The following PLPP3 variants were observed in gnomAD, a reference collection of about 807,000 sequenced individuals.
PLPP3 encodes the protein phospholipid phosphatase 3.
PLPP3 carries 6 observed loss-of-function variants against 29.6 expected under a neutral mutation model. That is an observed-to-expected ratio of 0.20 (90% CI 0.11 to 0.40). PLPP3 has a LOEUF of 0.40. PLPP3 is among the 10% of genes least tolerant of loss of function. The probability of loss-of-function intolerance (pLI) is 1.00; values close to 1 mark genes in which losing one functional copy is unlikely to be tolerated. For synonymous variants in PLPP3, 152 were observed against 159.7 expected (o/e 0.95, Z 0.36); for missense variants, 308 against 407.7 (o/e 0.76, Z 2.11).
intron 1 of PLPP3, among the ~76,000 whole-genome samples, chr1:56,555,467 A>C (rs1646070591): frequency 1.4e-5 from 2 of 144,298 alleles, no homozygotes; most frequent in South Asian, 2.2e-4. Flanking sequence ...AAAACAAAAA[A>C]CAAACAAACA....
chr1:56,566,896 A>G (rs553885317), intron 1 of PLPP3, among the ~76,000 whole-genome samples: 2 of 152,338 alleles, frequency 1.3e-5, no homozygotes, highest in South Asian at 4.1e-4. Context: ...TTTAGTTCCT[A>G]AGATGACAAC....
chr1:56,527,802 T>G (rs895763077), intron 2 of PLPP3, among the ~76,000 whole-genome samples: 2 of 152,174 alleles, frequency 1.3e-5, no homozygotes. Context: ...ATTTGGGTTG[T>G]GAAAGGCAGC....
In PLPP3 at chr1:56,556,986, GAAAGAAAGAAAGAAAGAAAGAA is replaced by G. The variant is rs1557513401; in HGVS notation, c.140-19896_140-19875del. On this transcript the variant is annotated intron_variant, in intron 1 of 5. Transcript: ENST00000371250. ...AGAAAGAAAGAAAGAAAGAAAGAAA[GAAAGAAAGAAAGAAAGAAAGAA>G]AGAGAGAGAGAGAGAGAAAGAGAGA... Among the ~76,000 whole-genome samples the G allele has an allele frequency of 9.0e-3, 59 of 6,568 alleles. 4 individuals carry two copies. Among genetic ancestry groups the G allele is most frequent in the East Asian group, 0.029 (11 of 384 alleles). 4.3% of individuals were successfully genotyped at this position (6,568 alleles called of 152,430 possible). A position where few individuals can be genotyped will look rare whatever the true frequency, so the allele number is the denominator to read the frequency against.
In PLPP3 at chr1:56,578,906, G is replaced by A; in HGVS notation, c.111C>T (p.Ile37=). Reference sequence around the variant, plus strand: ...TGAAGAGGCAGAAGAGGTCGAGGCAGATGAGCAGCACCCGCTTGCTGCCGC... The same window carrying A: ...TGAAGAGGCAGAAGAGGTCGAGGCAAATGAGCAGCACCCGCTTGCTGCCGC... The part of the protein sequence containing the change: ...RRSGSKRVLL[I]CLDLFCLFMA... The change falls in exon 1 of 6, where the codon ATC becomes ATT. Residue 37 remains isoleucine, a synonymous_variant. Transcript: ENST00000371250. The A allele has an allele frequency of 6.2e-7, 1 of 1,601,176 alleles. No individual in the cohort carries two copies. The highest frequency in any genetic ancestry group is 1.1e-5 in the South Asian group (1 of 90,080).
At chr1:56,558,821 C>T (rs184431479) in intron 1 of PLPP3, among the ~76,000 whole-genome samples, 14 of 152,282 alleles carry the variant, frequency 9.2e-5, no homozygotes, top group African/African-American at 3.4e-4. Context: ...AACTTTGATT[C>T]TGGGTTAAAA....
intron 5 of PLPP3, among the ~76,000 whole-genome samples, chr1:56,498,332 T>C (rs554341811): frequency 4.9e-4 from 74 of 152,304 alleles, no homozygotes; most frequent in Middle Eastern, 3.4e-3. Context: ...AGAAAATTCT[T>C]TGTAGTTGGT....
At chr1:56,574,351 G>C (rs547493370) in intron 1 of PLPP3, among the ~76,000 whole-genome samples, 205 of 152,238 alleles carry the variant, frequency 1.3e-3, no homozygotes, top group African/African-American at 4.6e-3. Flanking sequence ...CTAGTCTCAA[G>C]GTATCCTCCT....
chr1:56,561,133 C>T (rs887659474), intron 1 of PLPP3, among the ~76,000 whole-genome samples: 1 of 151,932 alleles, frequency 6.6e-6, no homozygotes, highest in African/African-American at 2.4e-5. Context: ...AGGCGTGAGC[C>T]ACTGCACCCG....
intron 5 of PLPP3, 39 bp downstream of exon 5, chr1:56,511,937 A>T (rs1169943500): frequency 6.2e-7 from 1 of 1,608,412 alleles, no homozygotes; most frequent in African/African-American, 1.3e-5. Context: ...GCAACAGTCC[A>T]GGGCTCCACT....
At chr1:56,515,084 C>G (rs1475234868) in intron 4 of PLPP3, among the ~76,000 whole-genome samples, 5 of 152,120 alleles carry the variant, frequency 3.3e-5, no homozygotes, top group Non-Finnish European at 5.9e-5. Context: ...GGGTGCATAA[C>G]AGACAGAGCA....
chr1:56,511,413 A>G (rs1412297891), intron 5 of PLPP3, among the ~76,000 whole-genome samples: 1 of 152,160 alleles, frequency 6.6e-6, no homozygotes, highest in Non-Finnish European at 1.5e-5. Context: ...CTCAGCCTTC[A>G]GATAACCTCC....
At chr1:56,574,367 A>G (rs1646220968) in intron 1 of PLPP3, among the ~76,000 whole-genome samples, 1 of 151,886 alleles carries the variant, frequency 6.6e-6, no homozygotes, top group Non-Finnish European at 1.5e-5. Context: ...CTCCTGCCTC[A>G]GCCTCCCAAG....
chr1:56,553,453 G>A (rs1569588679), intron 1 of PLPP3, among the ~76,000 whole-genome samples: 1 of 152,146 alleles, frequency 6.6e-6, no homozygotes, highest in Non-Finnish European at 1.5e-5. Context: ...TCTGCACTTG[G>A]AGACACATCC....
intron 1 of PLPP3, among the ~76,000 whole-genome samples, chr1:56,557,026 A>AAAGAGAGAG (rs1553139342): frequency 1.1e-4 from 1 of 9,522 alleles, no homozygotes; most frequent in African/African-American, 2.5e-4. Context: ...GAGAGAGAGA[A>AAAGAGAGAG]AGAGAGAGAG....
chr1:56,550,565 C>T (rs192990179), intron 1 of PLPP3, among the ~76,000 whole-genome samples: 157 of 152,162 alleles, frequency 1.0e-3, no homozygotes, highest in South Asian at 3.7e-3. Context: ...CCTCTCAAAA[C>T]GTGTGAATCA....
At chr1:56,547,656 GA>G (rs981032463) in intron 1 of PLPP3, among the ~76,000 whole-genome samples, 6 of 152,160 alleles carry the variant, frequency 3.9e-5, no homozygotes, top group African/African-American at 1.4e-4. Flanking sequence ...GCAAGCTGAG[GA>G]GACTGCTGCT....
At chr1:56,539,641 C>T (rs1306866050) in intron 1 of PLPP3, among the ~76,000 whole-genome samples, 1 of 152,132 alleles carries the variant, frequency 6.6e-6, no homozygotes, top group African/African-American at 2.4e-5. Context: ...GGTTTTAAAA[C>T]TTTGTCTCTG....
rs183148161 is a variant in PLPP3 at position 56,524,042 on chromosome 1, C to A, written c.576-162G>T. Among the ~76,000 whole-genome samples, 82 of 152,336 alleles carry A rather than the reference C, an allele frequency of 5.4e-4. 1 individual carries two copies. The highest frequency in any genetic ancestry group is 6.8e-3 in the Middle Eastern group (2 of 294). ...CTTTGGACCCATGCCTGGAACATAGCAGGCACCTATGAATTCATGAATAAA... is the reference window on the plus strand; with the variant it reads ...CTTTGGACCCATGCCTGGAACATAGAAGGCACCTATGAATTCATGAATAAA... On this transcript the variant is annotated intron_variant, in intron 3 of 5. Transcript: ENST00000371250. The surrounding 1 kb of genome is among the most constrained non-coding windows in gnomAD (Gnocchi z 4.3).
rs867460736 is a variant in PLPP3, at chr1:56,499,082, C to T, written c.811-2406G>A. On this transcript the variant is annotated intron_variant, in intron 5 of 5. Transcript: ENST00000371250. The stretch of plus-strand genomic sequence containing the variant: ...GGGGACAGCTCCCCCGTCCCCCCCC[C>T]CCACCTTCCCCCCTTCAAGATCTTG... Among the ~76,000 whole-genome samples the T allele has an allele frequency of 5.4e-5, 8 of 149,328 alleles. No individual in the cohort carries two copies. The South Asian group carries it at 6.7e-4, about 12-fold the overall frequency.
Sources: allele counts gnomAD v4.1 joint callset (sites outside exome capture counted in the v4.1 genomes callset), GRCh38; gene constraint gnomAD v4.1.1; non-coding constraint Gnocchi (gnomAD v3.1); transcripts MANE v1.5; gene names NCBI Gene and HGNC (gene_info 2026-07-23, HGNC 2026-07-21).